Variants in KCNMA1 observed in about 807,000 individuals in gnomAD.
KCNMA1 encodes potassium calcium-activated channel subfamily M alpha 1.
KCNMA1 carries 29 observed loss-of-function variants against 140.0 expected under a neutral mutation model. The observed-to-expected ratio is 0.21, with a 90% CI of 0.15 to 0.28. KCNMA1 has a LOEUF of 0.28. Ranked by LOEUF, KCNMA1 falls within the 10% of genes least tolerant of loss-of-function variation. The probability of loss-of-function intolerance (pLI) is 1.00; values close to 1 mark genes in which losing one functional copy is unlikely to be tolerated. For missense variants in KCNMA1, 880 were observed against 1,602.2 expected (o/e 0.55, Z 7.70); for synonymous variants, 612 against 611.9 (o/e 1.00, Z 0.00).
At chr10:77,031,567 G>A (rs1222689091) in intron 15 of KCNMA1, among the ~76,000 whole-genome samples, 3 of 152,240 alleles carry the variant, frequency 2.0e-5, no homozygotes, top group African/African-American at 7.2e-5. Flanking sequence ...CTGGAAGCAA[G>A]AGCTATGGCT....
intron 6 of KCNMA1, among the ~76,000 whole-genome samples, chr10:77,117,834 G>A (rs2097517679): frequency 6.6e-6 from 1 of 152,130 alleles, no homozygotes; most frequent in South Asian, 2.1e-4. Flanking sequence ...CCCTTTAATT[G>A]GCCGTTTCAG....
chr10:77,389,663 T>C (rs1204770631), intron 2 of KCNMA1, among the ~76,000 whole-genome samples: 1 of 152,112 alleles, frequency 6.6e-6, no homozygotes, highest in African/African-American at 2.4e-5. Context: ...ATGGCTGAAA[T>C]GATTCAAAAG....
chr10:77,389,131 A>G (rs1176277006), intron 2 of KCNMA1, among the ~76,000 whole-genome samples: 1 of 152,226 alleles, frequency 6.6e-6, no homozygotes, highest in East Asian at 1.9e-4. Context: ...TTCATCTAAA[A>G]GTTAACCTAC....
At chr10:77,240,557 C>T (rs2057010679) in intron 3 of KCNMA1, among the ~76,000 whole-genome samples, 3 of 152,164 alleles carry the variant, frequency 2.0e-5, no homozygotes, top group Non-Finnish European at 4.4e-5. Flanking sequence ...AAACAGGAGG[C>T]CCAAATCTGG....
intron 13 of KCNMA1, among the ~76,000 whole-genome samples, 157 bp downstream of exon 13, chr10:77,079,324 C>T (rs1405499579): frequency 6.6e-6 from 1 of 151,544 alleles, no homozygotes; most frequent in Non-Finnish European, 1.5e-5. Flanking sequence ...AACAATCACA[C>T]CTCTTTACCC....
At chr10:76,903,408 T>C (rs1346463342) in intron 25 of KCNMA1, 1 of 152,266 alleles carries the variant, frequency 6.6e-6, no homozygotes, top group African/African-American at 2.4e-5. Context: ...TTGCTAGTTT[T>C]CATGGTGTAG....
intron 19 of KCNMA1, among the ~76,000 whole-genome samples, chr10:76,985,660 C>T (rs1469123335): frequency 6.6e-6 from 1 of 152,126 alleles, no homozygotes; most frequent in African/African-American, 2.4e-5. Context: ...ATCACACAAA[C>T]GCGATAGCAA....
intron 2 of KCNMA1, among the ~76,000 whole-genome samples, chr10:77,292,961 A>G (rs1440231470): frequency 6.6e-6 from 1 of 152,204 alleles, no homozygotes; most frequent in Non-Finnish European, 1.5e-5. Flanking sequence ...GGAGAGCTAT[A>G]TCAGCTGGTA....
chr10:77,601,815 T>C (rs931656205), intron 1 of KCNMA1, among the ~76,000 whole-genome samples: 15 of 151,998 alleles, frequency 9.9e-5, no homozygotes, highest in African/African-American at 3.6e-4. Context: ...GGACACAGAG[T>C]AGCTAAGCCA....
At chr10:77,427,732 T>C (rs958716512) in intron 1 of KCNMA1, among the ~76,000 whole-genome samples, 2 of 146,488 alleles carry the variant, frequency 1.4e-5, no homozygotes, top group Admixed American at 1.3e-4. Flanking sequence ...TTTATTTATT[T>C]ATTTATTTAT....
At chr10:77,012,206 C>A in intron 17 of KCNMA1, 163 bp from the exon 18 acceptor site, 1 of 1,500,034 alleles carries the variant, frequency 6.7e-7, no homozygotes, top group Non-Finnish European at 8.9e-7. Context: ...ATGTTTGTTG[C>A]AAGACCATTT....
chr10:77,633,136 G>A (rs562774482), intron 1 of KCNMA1, among the ~76,000 whole-genome samples: 4 of 152,182 alleles, frequency 2.6e-5, no homozygotes, highest in Non-Finnish European at 5.9e-5. Context: ...CCAATGTGGT[G>A]AAACCCCGTC....
intron 20 of KCNMA1, among the ~76,000 whole-genome samples, chr10:76,965,087 C>T (rs1267467136): frequency 1.3e-5 from 2 of 152,202 alleles, no homozygotes; most frequent in Non-Finnish European, 2.9e-5. Flanking sequence ...AACTCTTGAC[C>T]TAGCTATTTA....
At chr10:77,569,805 C>CAA (rs922021138) in intron 1 of KCNMA1, among the ~76,000 whole-genome samples, 6 of 152,190 alleles carry the variant, frequency 3.9e-5, no homozygotes, top group African/African-American at 1.4e-4. Context: ...AGGCAACCTA[C>CAA]AAAATGGGAG....
chr10:77,442,221 C>T (rs951988968), intron 1 of KCNMA1, among the ~76,000 whole-genome samples: 1 of 152,218 alleles, frequency 6.6e-6, no homozygotes, highest in Non-Finnish European at 1.5e-5. Context: ...ACCCCCACCC[C>T]ATTCCCAGGC....
chr10:77,562,435 A>G (rs781157977), intron 1 of KCNMA1, among the ~76,000 whole-genome samples: 1 of 152,238 alleles, frequency 6.6e-6, no homozygotes, highest in African/African-American at 2.4e-5. Context: ...TAAAACTGAC[A>G]TCCATAAAAC....
chr10:77,584,823 C>T (rs1163178759), intron 1 of KCNMA1, among the ~76,000 whole-genome samples: 5 of 152,176 alleles, frequency 3.3e-5, no homozygotes, highest in Admixed American at 3.3e-4. Flanking sequence ...TCTTCCAGAC[C>T]CTAAGAAGTC....
At chr10:77,321,407 A>C (rs186147977) in intron 2 of KCNMA1, among the ~76,000 whole-genome samples, 151 of 152,322 alleles carry the variant, frequency 9.9e-4, no homozygotes, top group South Asian at 2.5e-3. Flanking sequence ...CTAAAGATGA[A>C]AGCACTTTTC....
chr10:77,172,227 C>T (rs2098714438), intron 5 of KCNMA1, among the ~76,000 whole-genome samples: 1 of 152,182 alleles, frequency 6.6e-6, no homozygotes, highest in Non-Finnish European at 1.5e-5. Flanking sequence ...GCTGAGGAGG[C>T]TGTTCCAATA....
Sources: allele counts gnomAD v4.1 joint callset (sites outside exome capture counted in the v4.1 genomes callset), GRCh38; gene constraint gnomAD v4.1.1; transcripts MANE v1.5; gene names NCBI Gene and HGNC (gene_info 2026-07-23, HGNC 2026-07-21).